NUMBL: variants seen among roughly 807,000 people sequenced by gnomAD.
The protein encoded by NUMBL is NUMB like endocytic adaptor protein.
Under a neutral mutation model 48.9 loss-of-function variants are expected in NUMBL, and 20 were observed. The ratio of observed to expected loss-of-function variants is 0.41; its 90% CI spans 0.29 to 0.59. NUMBL has a LOEUF of 0.59. NUMBL is among the 20% of genes least tolerant of loss of function. The probability of loss-of-function intolerance (pLI) is 0.31; values close to 1 mark genes in which losing one functional copy is unlikely to be tolerated. For missense variants in NUMBL, 660 were observed against 846.2 expected (o/e 0.78, Z 2.73); for synonymous variants, 340 against 348.7 (o/e 0.98, Z 0.28).
At position 40,667,034 on chromosome 19, in the gene NUMBL, G is replaced by A. The variant is rs937240662; in HGVS notation, c.*434C>T. The A allele has an allele frequency of 3.0e-5, 7 of 234,740 alleles. No individual in the cohort carries two copies. The highest frequency in any genetic ancestry group is 5.9e-5 in the Non-Finnish European group (7 of 117,980). 14.5% of individuals were successfully genotyped at this position (234,740 alleles called of 1,614,324 possible). A position where few individuals can be genotyped will look rare whatever the true frequency, so the allele number is the denominator to read the frequency against. On this transcript the variant is annotated 3_prime_UTR_variant, in exon 10 of 10. Coordinates refer to ENST00000252891, the MANE Select transcript of NUMBL (RefSeq NM_004756.5). The surrounding 1 kb of genome is among the most constrained non-coding windows in gnomAD (Gnocchi z 6.1). ...TTAGCTTGTGCTGTGCATGGGGGGA[G>A]GAGACGACCAGATTTGGGGTGGGCA...
chr19:40,677,716 C>T (rs2081884738), intron 6 of NUMBL, among the ~76,000 whole-genome samples: 1 of 152,174 alleles, frequency 6.6e-6, no homozygotes, highest in South Asian at 2.1e-4. Context: ...GGAGTGGTGG[C>T]TCTCGCCTGT....
At position 40,686,965 on chromosome 19, in the gene NUMBL, G is replaced by GCAGGTGC; in HGVS notation, c.48_54dup (p.Pro19AlafsTer84). The GCAGGTGC allele has an allele frequency of 6.5e-7, 1 of 1,534,628 alleles. No individual in the cohort carries two copies. Among genetic ancestry groups the GCAGGTGC allele is most frequent in the Non-Finnish European group, 8.8e-7 (1 of 1,141,002 alleles). On this transcript the variant is annotated frameshift_variant, in exon 2 of 10. Coordinates refer to ENST00000252891, the MANE Select transcript of NUMBL (RefSeq NM_004756.5). LOFTEE classifies it high-confidence loss of function. Reference sequence around the variant, plus strand: ...CCCGGGGCCCCACAGGGGGCTGGGGGCAGGTGCCGCTCAGGCCTCCGGGGT... The same window carrying GCAGGTGC: ...CCCGGGGCCCCACAGGGGGCTGGGGGCAGGTGCCAGGTGCCGCTCAGGCCTCCGGGGT...
At chr19:40,684,332 G>A (rs528870172) in intron 3 of NUMBL, 85 bp downstream of exon 3, 10 of 1,416,758 alleles carry the variant, frequency 7.1e-6, no homozygotes, top group African/African-American at 4.4e-5. Context: ...TTGGGCTGGT[G>A]TCCCAGCCAG....
Position 40,673,682 on chromosome 19 carries a change from T to A in NUMBL, c.731-33A>T. The A allele has an allele frequency of 6.9e-7, 1 of 1,450,988 alleles. No individual in the cohort carries two copies. Among genetic ancestry groups the A allele is most frequent in the African/African-American group, 1.4e-5 (1 of 69,964 alleles). 89.9% of individuals were successfully genotyped at this position (1,450,988 alleles called of 1,614,324 possible). A position where few individuals can be genotyped will look rare whatever the true frequency, so the allele number is the denominator to read the frequency against. ...CATGGGGGAGATGGATGGTTAGATA[T>A]CTCACCATGGCATGCAAGGCCTCTC... On this transcript the variant is annotated intron_variant, in intron 7 of 9. Coordinates refer to ENST00000252891, the MANE Select transcript of NUMBL (RefSeq NM_004756.5). The surrounding 1 kb of genome is among the most constrained non-coding windows in gnomAD (Gnocchi z 5.9).
At chr19:40,680,403 G>A (rs1480834504) in intron 6 of NUMBL, among the ~76,000 whole-genome samples, 1 of 151,774 alleles carries the variant, frequency 6.6e-6, no homozygotes, top group Non-Finnish European at 1.5e-5. Context: ...GCCTGCCTTG[G>A]CCTCCCAAAG....
intron 5 of NUMBL, among the ~76,000 whole-genome samples, chr19:40,681,680 TA>T (rs1253781334): frequency 3.3e-5 from 5 of 152,036 alleles, no homozygotes; most frequent in South Asian, 4.1e-4. Context: ...TATATATATA[TA>T]TTTTTTTCCC....
At chr19:40,686,798 G>T (rs1423195121) in intron 2 of NUMBL, 113 bp downstream of exon 2, 3 of 700,450 alleles carry the variant, frequency 4.3e-6, no homozygotes, top group African/African-American at 1.8e-5. Context: ...GCCTGAGGGT[G>T]TCCACTCATG....
Position 40,687,013 on chromosome 19 carries a change from GAGA to G in NUMBL, c.25-21_25-19del. 2.1e-6 allele frequency: 3 copies of G among 1,444,736 alleles called. No homozygotes were observed. The highest frequency in any genetic ancestry group is 2.8e-6 in the Non-Finnish European group (3 of 1,088,624). 89.5% of individuals were successfully genotyped at this position (1,444,736 alleles called of 1,614,324 possible). On this transcript the variant is annotated intron_variant, in intron 1 of 9. Coordinates refer to ENST00000252891, the MANE Select transcript of NUMBL (RefSeq NM_004756.5). This position sits in a 1 kb window ranked among gnomAD's most constrained non-coding sequence, Gnocchi z 4.6. ...GGTCCGCCCTGCCCGAGTAGGGGAG[GAGA>G]AGGTGAGAAGTTTGTCTGGGTTGGG...
At chr19:40,686,153 CT>C (rs35951088) in intron 2 of NUMBL, 57,903 of 143,894 alleles carry the variant, frequency 0.4, 11,674 homozygotes, top group African/African-American at 0.5. Flanking sequence ...GAGTGTGTCT[CT>C]TTTTTTTTTT....
Position 40,667,458 on chromosome 19 carries a change from G to A in NUMBL, c.*10C>T. The A allele has an allele frequency of 6.2e-7, 1 of 1,601,726 alleles. No homozygotes were observed. Among genetic ancestry groups the A allele is most frequent in the East Asian group, 2.2e-5 (1 of 44,536 alleles). On this transcript the variant is annotated 3_prime_UTR_variant, in exon 10 of 10. Coordinates refer to ENST00000252891, the MANE Select transcript of NUMBL (RefSeq NM_004756.5). The surrounding 1 kb of genome is among the most constrained non-coding windows in gnomAD (Gnocchi z 6.1). Reference sequence around the variant, plus strand: ...ACCTGGAGATGATGGAGTGGGTGGGGCGGCTCGGGCTACAGTTCAATCTCG... The same window carrying A: ...ACCTGGAGATGATGGAGTGGGTGGGACGGCTCGGGCTACAGTTCAATCTCG...
intron 9 of NUMBL, among the ~76,000 whole-genome samples, chr19:40,669,683 T>A (rs552164284): frequency 4.6e-5 from 7 of 152,116 alleles, no homozygotes; most frequent in Non-Finnish European, 1.0e-4. Flanking sequence ...GGCTCTAAGA[T>A]GATCCATGGT....
chr19:40,667,185 G>A lies in NUMBL; in HGVS notation c.*283C>T. ...ACCAAGGGCATTCAGTGGGATTGTGGCCAACCCCTGTGTCTGGGGTTGGGG... is the reference window on the plus strand; with the variant it reads ...ACCAAGGGCATTCAGTGGGATTGTGACCAACCCCTGTGTCTGGGGTTGGGG... On this transcript the variant is annotated 3_prime_UTR_variant, in exon 10 of 10. Transcript: ENST00000252891. This position sits in a 1 kb window ranked among gnomAD's most constrained non-coding sequence, Gnocchi z 6.1. 1 of 442,936 alleles carries A rather than the reference G, an allele frequency of 2.3e-6. No individual in the cohort carries two copies. The highest frequency in any genetic ancestry group is 4.6e-5 in the East Asian group (1 of 21,680). The allele number at this position is 442,936 out of a possible 1,614,324, so 27.4% of individuals were successfully genotyped here. A position where few individuals can be genotyped will look rare whatever the true frequency, so the allele number is the denominator to read the frequency against.
In NUMBL at chr19:40,667,513, G is replaced by T. The variant is rs1168403069; in HGVS notation, c.1785C>A (p.Asn595Lys). 1 of 1,591,264 alleles carries T rather than the reference G, an allele frequency of 6.3e-7. No individual in the cohort carries two copies. ...TCTTTTGCAGGTCGCCAGAAAAGGG[G>T]TTGGAGGGTTTCTCTACAGTGGCTT... ...EGKATVEKPS[N>K]PFSGDLQKTF... The change falls in exon 10 of 10, where the codon AAC becomes AAA. Residue 595 changes from asparagine to lysine, a missense_variant. By Grantham distance (94) the Asn-to-Lys change is moderately conservative. Coordinates refer to ENST00000252891, the MANE Select transcript of NUMBL (RefSeq NM_004756.5). This position sits in a 1 kb window ranked among gnomAD's most constrained non-coding sequence, Gnocchi z 6.1.
Position 40,670,056 on chromosome 19 carries a change from G to T in NUMBL, c.1037-36C>A, listed in dbSNP as rs780130883. On this transcript the variant is annotated intron_variant, in intron 8 of 9. Transcript: ENST00000252891. ...GGGCAGGACAGAGGTCAGCAAACAG[G>T]CCCAGACCCTGCCGCAGCCCCGCCC... is the stretch of plus-strand genomic sequence containing the variant. The T allele has an allele frequency of 3.1e-6, 5 of 1,602,978 alleles. No individual in the cohort carries two copies. In the African/African-American group the frequency reaches 6.7e-5, roughly 22 times the overall value.
chr19:40,680,454 C>G (rs1355525154), intron 6 of NUMBL, among the ~76,000 whole-genome samples: 1 of 71,728 alleles, frequency 1.4e-5, no homozygotes, highest in Non-Finnish European at 2.5e-5. Flanking sequence ...CTGGCCAATA[C>G]TCTTTTTTTT....
At position 40,688,307 on chromosome 19, in the gene NUMBL, T is replaced by C. The variant is rs943277300; in HGVS notation, c.25-1312A>G. Among the ~76,000 whole-genome samples the C allele has an allele frequency of 5.3e-4, 80 of 152,324 alleles. No individual in the cohort carries two copies. Among genetic ancestry groups the C allele is most frequent in the African/African-American group, 1.9e-3 (77 of 41,572 alleles). Reference sequence around the variant, plus strand: ...GTGGCCATATAGAATCACAGCCCCGTGTGGACAGGTGCACAAAGTCACAAG... The same window carrying C: ...GTGGCCATATAGAATCACAGCCCCGCGTGGACAGGTGCACAAAGTCACAAG... On this transcript the variant is annotated intron_variant, in intron 1 of 9. Transcript: ENST00000252891. The surrounding 1 kb of genome is among the most constrained non-coding windows in gnomAD (Gnocchi z 4.6).
In NUMBL at chr19:40,686,948, C is replaced by G; in HGVS notation, c.72G>C (p.Gly24=). 6.5e-7 allele frequency: 1 copy of G among 1,544,106 alleles called. No homozygotes were observed. The highest frequency in any genetic ancestry group is 8.7e-7 in the Non-Finnish European group (1 of 1,144,154). ...PERHLPPAPC[G]APGPPETCRT... ...TGCAGGTTTCTGGGGGCCCCGGGGCCCCACAGGGGGCTGGGGGCAGGTGCC... is the reference window on the plus strand; with the variant it reads ...TGCAGGTTTCTGGGGGCCCCGGGGCGCCACAGGGGGCTGGGGGCAGGTGCC... The change falls in exon 2 of 10, where the codon GGG becomes GGC. Residue 24 remains glycine, a synonymous_variant. Transcript: ENST00000252891.
At chr19:40,669,518 T>C (rs1248721153) in intron 9 of NUMBL, among the ~76,000 whole-genome samples, 1 of 151,926 alleles carries the variant, frequency 6.6e-6, no homozygotes, top group African/African-American at 2.4e-5. Context: ...TCTAAGATGA[T>C]CCATGGCTCT....
chr19:40,667,414 C>G lies in NUMBL; in HGVS notation c.*54G>C, dbSNP rs532281848. 5.8e-5 allele frequency: 92 copies of G among 1,576,378 alleles called. 1 individual carries two copies. The South Asian group carries it at 1.0e-3, about 18-fold the overall frequency. On this transcript the variant is annotated 3_prime_UTR_variant, in exon 10 of 10. Coordinates refer to ENST00000252891, the MANE Select transcript of NUMBL (RefSeq NM_004756.5). This position sits in a 1 kb window ranked among gnomAD's most constrained non-coding sequence, Gnocchi z 6.1. The stretch of plus-strand genomic sequence containing the variant: ...CAGGGTTAGGGGAGAGGTTGTGCCT[C>G]CACCCCCAGGCGTGGGGCACCTGGA...
Sources: allele counts gnomAD v4.1 joint callset (sites outside exome capture counted in the v4.1 genomes callset), GRCh38; gene constraint gnomAD v4.1.1; non-coding constraint Gnocchi (gnomAD v3.1); transcripts MANE v1.5; gene names NCBI Gene and HGNC (gene_info 2026-07-23, HGNC 2026-07-21).